Variants in MDN1 observed in about 807,000 individuals in gnomAD.
MDN1 encodes the protein midasin AAA ATPase 1, also known as midasin.
In MDN1, 266 loss-of-function variants were observed where a neutral mutation model predicts 669.2. That is an observed-to-expected ratio of 0.40 (90% CI 0.36 to 0.44). The LOEUF (loss-of-function observed/expected upper bound fraction) is 0.44, where lower values mean the gene tolerates loss of function less well. Among genes scored for constraint, MDN1 ranks in the 20% least tolerant of loss-of-function variants. The pLI, the probability that MDN1 is intolerant of heterozygous loss-of-function variation, is 1.00. For missense variants in MDN1, 5,940 were observed against 6,754.0 expected (o/e 0.88, Z 4.22); for synonymous variants, 2,385 against 2,457.1 (o/e 0.97, Z 0.87).
At position 89,753,604 on chromosome 6, in the gene MDN1, A is replaced by G. The variant is rs766703265; in HGVS notation, c.2983T>C (p.Leu995=). 1.9e-6 allele frequency: 3 copies of G among 1,613,304 alleles called. No homozygotes were observed. Among genetic ancestry groups the G allele is most frequent in the Admixed American group, 1.7e-5 (1 of 60,006 alleles). ...TGTGATGCCCTGTCAAGCTGTGTTA[A>G]GAAACCCAAACAAAAACCCTAGAAA... ...SLYEGFCLGF[L]TQLDRASHPI... is the part of the protein sequence containing the mutation. Residue 995 remains leucine (L), a synonymous_variant, in exon 22 of 102, where the codon TTA becomes CTA. Coordinates refer to ENST00000369393, the MANE Select transcript of MDN1 (RefSeq NM_014611.3).
chr6:89,780,507 CAA>C (rs1818613885), intron 10 of MDN1, among the ~76,000 whole-genome samples: 1 of 152,000 alleles, frequency 6.6e-6, no homozygotes. Flanking sequence ...AAAAACAAAA[CAA>C]AAAGAGTTCC....
In MDN1 at chr6:89,730,932, CAG is replaced by C; in HGVS notation, c.4943-11_4943-10del. 6.2e-7 allele frequency: 1 copy of C among 1,612,460 alleles called. No individual in the cohort carries two copies. On this transcript the variant is annotated splice_polypyrimidine_tract_variant and intron_variant, in intron 34 of 101. Coordinates refer to ENST00000369393, the MANE Select transcript of MDN1 (RefSeq NM_014611.3). ...CCCAGAGGAAGTTACCCCTAAAAGACAGAGGATCAGTCCATGAAGCAACAGTA... is the reference window on the plus strand; with the variant it reads ...CCCAGAGGAAGTTACCCCTAAAAGACAGGATCAGTCCATGAAGCAACAGTA...
At chr6:89,811,647 T>C (rs940895615) in intron 1 of MDN1, among the ~76,000 whole-genome samples, 2 of 152,094 alleles carry the variant, frequency 1.3e-5, no homozygotes, top group Non-Finnish European at 2.9e-5. Context: ...GGTTTCACCA[T>C]ATTGGCCAGG....
chr6:89,740,590 A>C (rs865944083), intron 31 of MDN1, among the ~76,000 whole-genome samples: 1 of 152,332 alleles, frequency 6.6e-6, no homozygotes. Context: ...AAAACTTTTC[A>C]ACTTATAAAC....
Position 89,672,629 on chromosome 6 carries a change from G to C in MDN1, c.13548C>G (p.Leu4516=), listed in dbSNP as rs775390100. 2 of 1,614,142 alleles carry C rather than the reference G, an allele frequency of 1.2e-6. No individual in the cohort carries two copies. Among genetic ancestry groups the C allele is most frequent in the Non-Finnish European group, 1.7e-6 (2 of 1,180,014 alleles). ...EQMEIAIRAI[L]CAIQNLEERK... ...TTTCTTCTAAGTTCTGGATGGCACA[G>C]AGGATGGCTCGGATGGCAATTTCCA... The change falls in exon 81 of 102, where the codon CTC becomes CTG. Residue 4516 remains leucine (L), a synonymous_variant. Transcript: ENST00000369393.
intron 7 of MDN1, among the ~76,000 whole-genome samples, chr6:89,788,539 T>C (rs939747069): frequency 6.6e-6 from 1 of 152,164 alleles, no homozygotes; most frequent in Non-Finnish European, 1.5e-5. Flanking sequence ...TAGGGTAGAA[T>C]GTGCAGTAAG....
At chr6:89,805,598 G>C (rs1767963082) in intron 1 of MDN1, among the ~76,000 whole-genome samples, 1 of 152,136 alleles carries the variant, frequency 6.6e-6, no homozygotes, top group Non-Finnish European at 1.5e-5. Context: ...ACCTATATAA[G>C]TGTACCTTGA....
At chr6:89,746,670 T>C (rs1048150118) in intron 27 of MDN1, among the ~76,000 whole-genome samples, 1 of 150,708 alleles carries the variant, frequency 6.6e-6, no homozygotes, top group African/African-American at 2.5e-5. Context: ...TAAAAAAGTA[T>C]TCCTCTATGT....
rs554978297 is a variant in MDN1, at chr6:89,747,708, G to A, written c.3763-238C>T. 5.9e-5 allele frequency among the ~76,000 whole-genome samples: 9 copies of A among 151,262 alleles called. No individual in the cohort carries two copies. In the South Asian group the frequency reaches 1.7e-3, roughly 28 times the overall value. ...AAATCGAGACCATCCTGGCTAACAT[G>A]GTGAAACCCCGTCTCTACTAAAAAT... On this transcript the variant is annotated intron_variant, in intron 26 of 101. Transcript: ENST00000369393.
intron 1 of MDN1, among the ~76,000 whole-genome samples, chr6:89,813,464 T>C (rs903359080): frequency 7.3e-5 from 11 of 151,544 alleles, no homozygotes; most frequent in African/African-American, 2.7e-4. Flanking sequence ...AACAGGAGAA[T>C]TGCTTGAACC....
chr6:89,794,624 C>A lies in MDN1; in HGVS notation c.507G>T (p.Trp169Cys). 6.2e-7 allele frequency: 1 copy of A among 1,613,802 alleles called. No individual in the cohort carries two copies. Among genetic ancestry groups the A allele is most frequent in the Non-Finnish European group, 8.5e-7 (1 of 1,180,044 alleles). Reference protein sequence around the residue: ...EQSVFRELWDWSVCVPLLRSH... With the variant: ...EQSVFRELWDCSVCVPLLRSH... Reference sequence around the variant, plus strand: ...TTCTGAGGAGAGGGACACACACACTCCAGTCCCAGAGCTCCCGGAACACAG... The same window carrying A: ...TTCTGAGGAGAGGGACACACACACTACAGTCCCAGAGCTCCCGGAACACAG... Residue 169 changes from tryptophan (W) to cysteine (C), a missense_variant, in exon 3 of 102, where the codon TGG becomes TGT. Coordinates refer to ENST00000369393, the MANE Select transcript of MDN1 (RefSeq NM_014611.3).
intron 5 of MDN1, among the ~76,000 whole-genome samples, chr6:89,792,300 T>C (rs1024765610): frequency 1.3e-5 from 2 of 152,168 alleles, no homozygotes; most frequent in African/African-American, 4.8e-5. Context: ...AAATGAGAAA[T>C]TCAGAGCTGG....
intron 1 of MDN1, among the ~76,000 whole-genome samples, chr6:89,813,650 G>C (rs569482116): frequency 6.6e-6 from 1 of 152,004 alleles, no homozygotes; most frequent in South Asian, 2.1e-4. Context: ...AGGACCATTT[G>C]AGCCCAGGAG....
In MDN1 at chr6:89,747,476, G is replaced by A. The variant is rs764019589; in HGVS notation, c.3763-6C>T. The stretch of plus-strand genomic sequence containing the variant: ...GAAGAACTTCTGCGATAGGACTGTT[G>A]AAGTATCAAAACAAATGAAAAGGGG... On this transcript the variant is annotated splice_region_variant and splice_polypyrimidine_tract_variant and intron_variant, in intron 26 of 101. Coordinates refer to ENST00000369393, the MANE Select transcript of MDN1 (RefSeq NM_014611.3). 1 of 1,610,768 alleles carries A rather than the reference G, an allele frequency of 6.2e-7. No homozygotes were observed. The highest frequency in any genetic ancestry group is 1.1e-5 in the South Asian group (1 of 90,468).
Position 89,695,873 on chromosome 6 carries a change from C to T in MDN1, c.9503G>A (p.Gly3168Glu), listed in dbSNP as rs1338460672. The T allele has an allele frequency of 6.2e-7, 1 of 1,613,320 alleles. No individual in the cohort carries two copies. The highest frequency in any genetic ancestry group is 1.3e-5 in the African/African-American group (1 of 74,922). ...CACATGCTGGAAGGCCTGGCTGCTCCCAAGCAGCAGCTGCTCACAGTTCTG... is the reference window on the plus strand; with the variant it reads ...CACATGCTGGAAGGCCTGGCTGCTCTCAAGCAGCAGCTGCTCACAGTTCTG... Reference protein sequence around the residue: ...YMQNCEQLLLGSSQAFQHVGQ... With the variant: ...YMQNCEQLLLESSQAFQHVGQ... Residue 3168 changes from glycine (G) to glutamate (E), a missense_variant, in exon 61 of 102, where the codon GGG (glycine) becomes GAG (glutamate). By Grantham distance (98) the Gly-to-Glu change is moderately conservative. Transcript: ENST00000369393. This position sits in a 1 kb window ranked among gnomAD's most constrained non-coding sequence, Gnocchi z 4.1.
chr6:89,809,726 C>T (rs768883981), intron 1 of MDN1, among the ~76,000 whole-genome samples: 1 of 149,454 alleles, frequency 6.7e-6, no homozygotes, highest in Non-Finnish European at 1.5e-5. Flanking sequence ...CAGTAAGCCA[C>T]GATTCTGCCA....
chr6:89,706,270 A>T, intron 52 of MDN1, 78 bp from the exon 53 acceptor site: 2 of 1,435,924 alleles, frequency 1.4e-6, no homozygotes, highest in Non-Finnish European at 1.9e-6. Context: ...AATAAACTGT[A>T]ATCTAGAATT....
intron 47 of MDN1, 67 bp from the exon 48 acceptor site, chr6:89,712,853 A>T (rs558392491): frequency 7.0e-7 from 1 of 1,433,226 alleles, no homozygotes; most frequent in East Asian, 2.3e-5. Context: ...AAAACCAGCA[A>T]AGTAATAATA....
chr6:89,750,930 A>G (rs551820139), intron 23 of MDN1, among the ~76,000 whole-genome samples: 5 of 151,654 alleles, frequency 3.3e-5, no homozygotes, highest in Admixed American at 2.0e-4. Context: ...TTTTTTTTTA[A>G]AAGAATGACG....
Sources: allele counts gnomAD v4.1 joint callset (sites outside exome capture counted in the v4.1 genomes callset), GRCh38; gene constraint gnomAD v4.1.1; non-coding constraint Gnocchi (gnomAD v3.1); transcripts MANE v1.5; gene names NCBI Gene and HGNC (gene_info 2026-07-23, HGNC 2026-07-21).